Variants in VWF observed in about 807,000 individuals in gnomAD.
VWF encodes the protein Factor VIII related antigen.
VWF carries 176 observed loss-of-function variants against 308.6 expected under a neutral mutation model. The ratio of observed to expected loss-of-function variants is 0.57; its 90% CI spans 0.50 to 0.65. The LOEUF is 0.65. Among genes scored for constraint, VWF ranks in the 30% least tolerant of loss-of-function variants. The pLI, the probability that VWF is intolerant of heterozygous loss-of-function variation, is 0.00. For missense variants in VWF, 3,146 were observed against 3,648.2 expected (o/e 0.86, Z 3.55); for synonymous variants, 1,385 against 1,443.4 (o/e 0.96, Z 0.92).
At chr12:5,993,055 C>T (rs1312230176) in intron 37 of VWF, among the ~76,000 whole-genome samples, 1 of 152,158 alleles carries the variant, frequency 6.6e-6, no homozygotes, top group Non-Finnish European at 1.5e-5. Flanking sequence ...GTCCATCCAC[C>T]AGCTGAGCTG....
chr12:6,029,104 G>C (rs1319717760), intron 22 of VWF, among the ~76,000 whole-genome samples: 1 of 151,376 alleles, frequency 6.6e-6, no homozygotes, highest in Non-Finnish European at 1.5e-5. Flanking sequence ...AAAAAAGCAG[G>C]GGTTGCAATC....
intron 42 of VWF, 111 bp downstream of exon 42, chr12:5,981,675 T>C (rs1943607518): frequency 8.1e-7 from 1 of 1,227,704 alleles, no homozygotes; most frequent in Non-Finnish European, 1.2e-6. Context: ...TTAGCAAATA[T>C]TGGATGGGTA....
At position 5,949,823 on chromosome 12, in the gene VWF, C is replaced by T. The variant is rs61751305; in HGVS notation, c.8216G>A (p.Cys2739Tyr). 2 of 1,614,174 alleles carry T rather than the reference C, an allele frequency of 1.2e-6. No individual in the cohort carries two copies. The highest frequency in any genetic ancestry group is 1.3e-5 in the African/African-American group (1 of 75,056). Residue 2739 changes from cysteine (C) to tyrosine (Y), a missense_variant, in exon 51 of 52, where the codon TGT becomes TAT. Around this residue, in one of 3 missense-constraint regions of VWF, gnomAD observed 989 missense variants for 1,117.4 expected, o/e 0.89. Transcript: ENST00000261405. ...GATATCCACCTCTACTTCAGACTTA[C>T]AGCTTCCCACCTTGACATACTGCAG... ...ARLQYVKVGS[C>Y]KSEVEVDIHY...
chr12:5,969,803 C>T (rs1943449576), intron 44 of VWF, among the ~76,000 whole-genome samples: 1 of 152,188 alleles, frequency 6.6e-6, no homozygotes, highest in South Asian at 2.1e-4. Context: ...CTGGCAGAAG[C>T]CCGGGAAGGC....
chr12:6,070,420 T>C (rs931063004), intron 10 of VWF, among the ~76,000 whole-genome samples: 2 of 152,146 alleles, frequency 1.3e-5, no homozygotes, highest in Admixed American at 6.5e-5. Context: ...AGGTTAGTAC[T>C]GGGAAGGAGA....
intron 7 of VWF, among the ~76,000 whole-genome samples, chr12:6,074,504 A>G (rs577973706): frequency 1.3e-5 from 2 of 151,844 alleles, no homozygotes; most frequent in East Asian, 3.9e-4. Flanking sequence ...AAAAAAAAAA[A>G]AAAAAACAGC....
At chr12:6,105,521 C>A (rs1945232570) in intron 5 of VWF, among the ~76,000 whole-genome samples, 1 of 152,064 alleles carries the variant, frequency 6.6e-6, no homozygotes, top group African/African-American at 2.4e-5. Context: ...CAGGCGTGGG[C>A]CACCACGCCC....
intron 38 of VWF, among the ~76,000 whole-genome samples, chr12:5,990,520 A>G (rs1385294957): frequency 6.6e-6 from 1 of 152,178 alleles, no homozygotes; most frequent in Non-Finnish European, 1.5e-5. Context: ...GTGGTTGAAC[A>G]TAGTGGTAAG....
chr12:5,962,067 C>CA (rs1178455195), intron 47 of VWF, among the ~76,000 whole-genome samples: 1 of 152,152 alleles, frequency 6.6e-6, no homozygotes, highest in Non-Finnish European at 1.5e-5. Context: ...AACAGGCCAT[C>CA]ATCAGACATC....
chr12:6,098,671 C>T (rs986589537), intron 5 of VWF, among the ~76,000 whole-genome samples: 2 of 151,686 alleles, frequency 1.3e-5, no homozygotes, highest in Non-Finnish European at 2.9e-5. Flanking sequence ...CCCAGCTACT[C>T]GGGAGGCTGA....
chr12:6,071,472 C>G, intron 9 of VWF, 129 bp from the exon 10 acceptor site: 1 of 1,000,944 alleles, frequency 1.0e-6, no homozygotes. Flanking sequence ...AGAGCTGGTG[C>G]TAGCAGAATC....
chr12:6,088,372 G>A (rs1457371800), intron 6 of VWF, among the ~76,000 whole-genome samples: 4 of 151,936 alleles, frequency 2.6e-5, no homozygotes, highest in East Asian at 1.9e-4. Flanking sequence ...CCAGCTACTC[G>A]GGAGGCTGAG....
intron 3 of VWF, among the ~76,000 whole-genome samples, chr12:6,119,533 G>A (rs1045186682): frequency 1.3e-5 from 2 of 152,072 alleles, no homozygotes; most frequent in African/African-American, 4.8e-5. Context: ...CTTCCCTAGG[G>A]CTCCTCACAC....
At chr12:6,010,233 T>C (rs1943978989) in intron 34 of VWF, among the ~76,000 whole-genome samples, 1 of 152,188 alleles carries the variant, frequency 6.6e-6, no homozygotes, top group Admixed American at 6.5e-5. Context: ...ATGTTTAACC[T>C]CACTCATCAT....
At chr12:5,967,695 T>G in intron 46 of VWF, 93 bp from the exon 47 acceptor site, 4 of 1,096,228 alleles carry the variant, frequency 3.6e-6, no homozygotes, top group Non-Finnish European at 4.1e-6. Context: ...CACCCACCCA[T>G]AGCTCCCATG....
chr12:5,991,454 T>C (rs1053548816), intron 38 of VWF, among the ~76,000 whole-genome samples: 5 of 152,160 alleles, frequency 3.3e-5, no homozygotes, highest in Admixed American at 6.5e-5. Context: ...AGGTACATAA[T>C]CTCTCTTAAC....
At chr12:6,045,921 G>T (rs976501518) in intron 17 of VWF, among the ~76,000 whole-genome samples, 5 of 152,134 alleles carry the variant, frequency 3.3e-5, no homozygotes, top group Admixed American at 2.0e-4. Context: ...TTCCATGCCT[G>T]GTCCTTAAAC....
chr12:5,971,743 C>T (rs1022274346), intron 43 of VWF, 34 bp from the exon 44 acceptor site: 2 of 1,590,346 alleles, frequency 1.3e-6, no homozygotes, highest in Non-Finnish European at 1.7e-6. Flanking sequence ...TAAGGACAGG[C>T]CAGCAGCAAA....
rs182859941 is a variant in VWF, at chr12:6,100,798, C to T, written c.533-5214G>A. On this transcript the variant is annotated intron_variant, in intron 5 of 51. Transcript: ENST00000261405. Reference sequence around the variant, plus strand: ...AGGAGATATACCTAATGCTAAATGACGAGTTAATGGGTGCAGCACACCAGC... The same window carrying T: ...AGGAGATATACCTAATGCTAAATGATGAGTTAATGGGTGCAGCACACCAGC... Among the ~76,000 whole-genome samples the T allele has an allele frequency of 3.9e-3, 595 of 152,022 alleles. 5 individuals carry two copies. Among genetic ancestry groups the T allele is most frequent in the African/African-American group, 0.013 (518 of 41,440 alleles).
Sources: allele counts gnomAD v4.1 joint callset (sites outside exome capture counted in the v4.1 genomes callset), GRCh38; gene constraint gnomAD v4.1.1; regional missense constraint gnomAD v4.1.1; transcripts MANE v1.5; gene names NCBI Gene and HGNC (gene_info 2026-07-23, HGNC 2026-07-21).